Variants in PALLD observed in about 807,000 individuals in gnomAD.
PALLD encodes the protein palladin, cytoskeletal associated protein.
A neutral mutation model predicts 123.5 loss-of-function variants in PALLD; 61 were observed. The ratio of observed to expected loss-of-function variants is 0.49; its 90% CI spans 0.40 to 0.61. PALLD has a LOEUF of 0.61. PALLD is among the 20% of genes least tolerant of loss of function. The pLI is 0.00. For synonymous variants in PALLD, 465 were observed against 496.4 expected (o/e 0.94, Z 0.84); for missense variants, 1,273 against 1,377.0 (o/e 0.92, Z 1.20).
chr4:168,715,972 T>A (rs903160354), intron 10 of PALLD, among the ~76,000 whole-genome samples: 25 of 150,868 alleles, frequency 1.7e-4, no homozygotes, highest in African/African-American at 5.8e-4. Context: ...GTCAAAACCA[T>A]AGACATGCAT....
At chr4:168,760,069 G>A (rs985114040) in intron 10 of PALLD, among the ~76,000 whole-genome samples, 1 of 151,486 alleles carries the variant, frequency 6.6e-6, no homozygotes, top group African/African-American at 2.4e-5. Context: ...AAAAATTTAT[G>A]TGCTGTCACA....
chr4:168,882,047 T>C lies in PALLD; in HGVS notation c.1965-8875T>C, dbSNP rs549937542. Among the ~76,000 whole-genome samples the C allele has an allele frequency of 2.0e-5, 3 of 152,338 alleles. No homozygotes were observed. In the East Asian group the frequency reaches 5.8e-4, roughly 29 times the overall value. On this transcript the variant is annotated intron_variant, in intron 10 of 21. Transcript: ENST00000505667. ...GCCACATAGCCACAGTGCCACAATG[T>C]TGTATGCTCTTAACTACCTCTTTTA...
intron 8 of PALLD, among the ~76,000 whole-genome samples, chr4:168,703,366 C>G (rs1783887276): frequency 8.2e-6 from 1 of 122,146 alleles, no homozygotes; most frequent in Non-Finnish European, 1.6e-5. Flanking sequence ...CCGCAATAAA[C>G]ATACGTGTGC....
chr4:168,549,722 G>T (rs1279638187), intron 2 of PALLD, among the ~76,000 whole-genome samples: 3 of 150,982 alleles, frequency 2.0e-5, no homozygotes, highest in Admixed American at 2.0e-4. Context: ...TTTAATTTTA[G>T]AAAAGTTAAC....
At chr4:168,614,911 A>C (rs1241897338) in intron 2 of PALLD, among the ~76,000 whole-genome samples, 1 of 152,202 alleles carries the variant, frequency 6.6e-6, no homozygotes, top group Non-Finnish European at 1.5e-5. Context: ...CATGAATAAA[A>C]AGCAACAGCA....
chr4:168,723,984 C>T (rs1015355840), intron 10 of PALLD, among the ~76,000 whole-genome samples: 4 of 149,102 alleles, frequency 2.7e-5, no homozygotes, highest in East Asian at 2.0e-4. Context: ...CCTCTGCCTG[C>T]GAGGTTCAAG....
intron 2 of PALLD, among the ~76,000 whole-genome samples, chr4:168,639,432 G>A (rs912474121): frequency 6.6e-6 from 1 of 152,064 alleles, no homozygotes; most frequent in African/African-American, 2.4e-5. Context: ...AAGGAGTTTC[G>A]CCCTTGCCAC....
At chr4:168,769,258 A>T (rs1734087148) in intron 10 of PALLD, among the ~76,000 whole-genome samples, 1 of 152,216 alleles carries the variant, frequency 6.6e-6, no homozygotes, top group African/African-American at 2.4e-5. Flanking sequence ...CTGGAAGAGT[A>T]TATCTGTGCA....
intron 2 of PALLD, among the ~76,000 whole-genome samples, chr4:168,655,939 G>A (rs933143859): frequency 6.6e-6 from 1 of 152,208 alleles, no homozygotes; most frequent in African/African-American, 2.4e-5. Flanking sequence ...CAATTCCATA[G>A]AGTCGAAGAC....
chr4:168,847,871 TAAA>T (rs1747115700), intron 10 of PALLD, among the ~76,000 whole-genome samples: 1 of 151,184 alleles, frequency 6.6e-6, no homozygotes, highest in African/African-American at 2.4e-5. Flanking sequence ...ATTCCTTTTC[TAAA>T]AAAGAAAAAA....
At chr4:168,663,599 A>C (rs1178164841) in intron 2 of PALLD, among the ~76,000 whole-genome samples, 1 of 152,208 alleles carries the variant, frequency 6.6e-6, no homozygotes, top group African/African-American at 2.4e-5. Flanking sequence ...TAACACCTCT[A>C]GGAACTGGCT....
intron 2 of PALLD, among the ~76,000 whole-genome samples, chr4:168,584,974 C>T (rs1376069204): frequency 6.6e-6 from 1 of 152,138 alleles, no homozygotes; most frequent in East Asian, 1.9e-4. Flanking sequence ...CCTTTCTTGG[C>T]TATTTTACAC....
At chr4:168,639,056 A>C (rs1314288985) in intron 2 of PALLD, among the ~76,000 whole-genome samples, 1 of 152,152 alleles carries the variant, frequency 6.6e-6, no homozygotes, top group South Asian at 2.1e-4. Flanking sequence ...CAGTTTTCCC[A>C]GCCCATGACA....
chr4:168,652,860 C>T (rs901271208), intron 2 of PALLD, among the ~76,000 whole-genome samples: 3 of 152,304 alleles, frequency 2.0e-5, no homozygotes, highest in Admixed American at 6.5e-5. Flanking sequence ...AAATCTCCAG[C>T]ATTATCTTAA....
intron 10 of PALLD, among the ~76,000 whole-genome samples, chr4:168,860,366 T>A (rs1287125765): frequency 6.6e-6 from 1 of 152,012 alleles, no homozygotes; most frequent in East Asian, 1.9e-4. Context: ...AGGCAGAAAG[T>A]CTAAAAAGAA....
intron 2 of PALLD, among the ~76,000 whole-genome samples, chr4:168,619,611 T>A (rs1774560454): frequency 6.6e-6 from 1 of 152,314 alleles, no homozygotes; most frequent in African/African-American, 2.4e-5. Flanking sequence ...CTGTTTCTTA[T>A]ACTGTGGTGG....
intron 8 of PALLD, among the ~76,000 whole-genome samples, chr4:168,706,171 C>T (rs960436765): frequency 2.0e-5 from 3 of 152,070 alleles, no homozygotes; most frequent in Admixed American, 2.0e-4. Context: ...TCCTCCTTGC[C>T]CCCAATGCTT....
At chr4:168,802,227 C>T (rs1050930415) in intron 10 of PALLD, among the ~76,000 whole-genome samples, 1 of 152,150 alleles carries the variant, frequency 6.6e-6, no homozygotes, top group African/African-American at 2.4e-5. Context: ...TGATCAAGCA[C>T]CACAAACCAA....
rs149788214 is a variant in PALLD, at chr4:168,544,660, A to T, written c.908+32248A>T. Among the ~76,000 whole-genome samples, 58 of 152,368 alleles carry T rather than the reference A, an allele frequency of 3.8e-4. No homozygotes were observed. The East Asian group carries it at 0.011, about 28-fold the overall frequency. On this transcript the variant is annotated intron_variant, in intron 2 of 21. Coordinates refer to ENST00000505667, the MANE Select transcript of PALLD (RefSeq NM_001166108.2). Reference sequence around the variant, plus strand: ...ATCAAAAAGGATAATTTCGTTTTACACTTATTTCTATTATCAGCATTTGTA... The same window carrying T: ...ATCAAAAAGGATAATTTCGTTTTACTCTTATTTCTATTATCAGCATTTGTA...
Sources: gnomAD v4.1 joint callset for allele counts (sites outside exome capture counted in the v4.1 genomes callset) on GRCh38, gnomAD v4.1.1 for gene constraint, MANE v1.5 for transcripts, NCBI Gene and HGNC (gene_info 2026-07-23, HGNC 2026-07-21) for gene names.